Variants in NTNG1 observed in about 807,000 individuals in gnomAD.
NTNG1 encodes the protein netrin-G1.
In NTNG1, 16 loss-of-function variants were observed where a neutral mutation model predicts 54.0. The observed-to-expected ratio is 0.30, with a 90% CI of 0.20 to 0.45. The LOEUF (loss-of-function observed/expected upper bound fraction) is 0.45, where lower values mean the gene tolerates loss of function less well. Ranked by LOEUF, NTNG1 falls within the 20% of genes least tolerant of loss-of-function variation. The probability of loss-of-function intolerance (pLI) is 1.00; values close to 1 mark genes in which losing one functional copy is unlikely to be tolerated. For synonymous variants in NTNG1, 255 were observed against 263.1 expected (o/e 0.97, Z 0.30); for missense variants, 530 against 678.7 (o/e 0.78, Z 2.43).
At chr1:107,346,998 G>C (rs1669287172) in intron 3 of NTNG1, among the ~76,000 whole-genome samples, 1 of 151,502 alleles carries the variant, frequency 6.6e-6, no homozygotes, top group Non-Finnish European at 1.5e-5. Flanking sequence ...GTGGAAGGAA[G>C]AGGAAGAGGT....
intron 7 of NTNG1, among the ~76,000 whole-genome samples, chr1:107,447,076 A>G (rs1676350058): frequency 6.6e-6 from 1 of 150,688 alleles, no homozygotes; most frequent in African/African-American, 2.4e-5. Flanking sequence ...TACATATTAC[A>G]GATATTTTTT....
chr1:107,477,575 C>T (rs507203), intron 7 of NTNG1, among the ~76,000 whole-genome samples: 139,876 of 152,226 alleles, frequency 0.92, 64,524 homozygotes, highest in East Asian at 1. Flanking sequence ...GCAGTTTCCC[C>T]ATTTATAATG....
intron 5 of NTNG1, 25 bp downstream of exon 5, chr1:107,407,733 A>G (rs1673526030): frequency 1.3e-6 from 2 of 1,597,474 alleles, no homozygotes; most frequent in Admixed American, 1.7e-5. Context: ...AAACAAAAAA[A>G]ACACCAAACC....
At chr1:107,372,961 T>G (rs1383139153) in intron 3 of NTNG1, among the ~76,000 whole-genome samples, 1 of 152,192 alleles carries the variant, frequency 6.6e-6, no homozygotes, top group Non-Finnish European at 1.5e-5. Context: ...TCCAGCTTCC[T>G]TCGGGTTAGT....
intron 7 of NTNG1, among the ~76,000 whole-genome samples, chr1:107,473,309 C>T (rs371324108): frequency 2.0e-5 from 3 of 152,178 alleles, no homozygotes; most frequent in East Asian, 1.9e-4. Flanking sequence ...GAACAAAACC[C>T]AGAGAAAAGA....
chr1:107,329,579 C>T (rs1668161316), intron 3 of NTNG1, among the ~76,000 whole-genome samples: 1 of 152,094 alleles, frequency 6.6e-6, no homozygotes, highest in Non-Finnish European at 1.5e-5. Flanking sequence ...AGTCTTTTTC[C>T]TAGCCACAAC....
intron 5 of NTNG1, among the ~76,000 whole-genome samples, chr1:107,417,193 A>G: frequency 6.6e-6 from 1 of 152,114 alleles, no homozygotes; most frequent in East Asian, 1.9e-4. Context: ...ACACCTGAGT[A>G]CAGATGTGGA....
intron 7 of NTNG1, among the ~76,000 whole-genome samples, chr1:107,442,347 T>C (rs1465096240): frequency 6.6e-6 from 1 of 152,112 alleles, no homozygotes; most frequent in African/African-American, 2.4e-5. Context: ...TGTTCACATA[T>C]GCACATACAC....
At chr1:107,262,367 G>T (rs938563998) in intron 2 of NTNG1, among the ~76,000 whole-genome samples, 1 of 152,152 alleles carries the variant, frequency 6.6e-6, no homozygotes, top group African/African-American at 2.4e-5. Context: ...AGTAGAAAAG[G>T]TATTTTGTCA....
At chr1:107,150,455 T>TATAGCAGAG (rs1299838709) in intron 2 of NTNG1, among the ~76,000 whole-genome samples, 1 of 152,176 alleles carries the variant, frequency 6.6e-6, no homozygotes, top group Admixed American at 6.6e-5. Context: ...TTCTACGCCT[T>TATAGCAGAG]ATAGCAGAGG....
rs1230290093 is a variant in NTNG1, at chr1:107,148,090, GA to G, written c.-502del. The G allele has an allele frequency of 6.5e-6, 1 of 154,782 alleles. No homozygotes were observed. The highest frequency in any genetic ancestry group is 1.9e-4 in the East Asian group (1 of 5,226). 9.6% of individuals were successfully genotyped at this position (154,782 alleles called of 1,614,324 possible). On this transcript the variant is annotated 5_prime_UTR_variant, in exon 2 of 8. It adds an upstream start codon to the 5' untranslated region. Transcript: ENST00000370068. ...AAAGGGTGTTGGTGCCAGAAGAAAAGAATGATTGATGGGAAACAGACACCGG... is the reference window on the plus strand; with the variant it reads ...AAAGGGTGTTGGTGCCAGAAGAAAAGATGATTGATGGGAAACAGACACCGG...
At chr1:107,212,664 C>T (rs1049611727) in intron 2 of NTNG1, among the ~76,000 whole-genome samples, 3 of 152,124 alleles carry the variant, frequency 2.0e-5, no homozygotes, top group Non-Finnish European at 4.4e-5. Flanking sequence ...AGCTTCTGGA[C>T]ATAGCCCGAA....
chr1:107,320,439 T>G (rs1329160695), intron 2 of NTNG1, among the ~76,000 whole-genome samples: 1 of 152,134 alleles, frequency 6.6e-6, no homozygotes, highest in African/African-American at 2.4e-5. Flanking sequence ...TAAATTTCAT[T>G]GTTGATGTTA....
chr1:107,478,634 C>A (rs559343018), intron 7 of NTNG1, among the ~76,000 whole-genome samples: 7 of 152,234 alleles, frequency 4.6e-5, no homozygotes, highest in Admixed American at 4.6e-4. Flanking sequence ...ACAGATATTT[C>A]CCTACCTCTA....
intron 2 of NTNG1, chr1:107,261,076 G>A (rs1010873651): frequency 2.2e-4 from 34 of 152,296 alleles, no homozygotes; most frequent in African/African-American, 7.7e-4. Context: ...AAGTAGGAGT[G>A]CTGTTGATAT....
chr1:107,157,566 A>G (rs1332432906), intron 2 of NTNG1, among the ~76,000 whole-genome samples: 1 of 152,188 alleles, frequency 6.6e-6, no homozygotes, highest in Non-Finnish European at 1.5e-5. Flanking sequence ...TGACAAAATT[A>G]TCTTATTCCC....
intron 2 of NTNG1, among the ~76,000 whole-genome samples, chr1:107,280,721 G>C (rs1664794087): frequency 1.3e-5 from 2 of 151,552 alleles, no homozygotes; most frequent in South Asian, 4.2e-4. Context: ...AGGGAAACCT[G>C]CCAAAGATCA....
intron 2 of NTNG1, among the ~76,000 whole-genome samples, chr1:107,210,574 C>A (rs997655580): frequency 6.6e-6 from 1 of 152,082 alleles, no homozygotes; most frequent in African/African-American, 2.4e-5. Flanking sequence ...TCCAAGTCAC[C>A]GCCAGATGAA....
intron 5 of NTNG1, among the ~76,000 whole-genome samples, chr1:107,425,328 C>T (rs1674831029): frequency 6.6e-6 from 1 of 151,942 alleles, no homozygotes; most frequent in Non-Finnish European, 1.5e-5. Flanking sequence ...AATTTTTCAA[C>T]CCTCAAACAT....
Sources: gnomAD v4.1 joint callset for allele counts (sites outside exome capture counted in the v4.1 genomes callset) on GRCh38, gnomAD v4.1.1 for gene constraint, MANE v1.5 for transcripts, NCBI Gene and HGNC (gene_info 2026-07-23, HGNC 2026-07-21) for gene names.